GEM: variants seen among roughly 807,000 people sequenced by gnomAD.
The protein encoded by GEM is GTP binding protein overexpressed in skeletal muscle.
Under a neutral mutation model 33.0 loss-of-function variants are expected in GEM, and 31 were observed. That is an observed-to-expected ratio of 0.94 (90% CI 0.71 to 1.27). The LOEUF (loss-of-function observed/expected upper bound fraction) is 1.27. GEM is among the 50% of genes most tolerant of loss of function. The pLI is 0.00. For missense variants in GEM, 354 were observed against 390.5 expected, an observed-to-expected ratio of 0.91 and a Z score of 0.79; for synonymous variants, 141 against 143.7, an observed-to-expected ratio of 0.98 and a Z score of 0.13.
At chr8:94,251,131 C>T (rs748488264) in intron 4 of GEM, among the ~76,000 whole-genome samples, 2 of 152,160 alleles carry the variant, frequency 1.3e-5, no homozygotes, top group Non-Finnish European at 2.9e-5. Flanking sequence ...AAGAATTCTA[C>T]TGCTTAGCTT....
At position 94,252,076 on chromosome 8, in the gene GEM, T is replaced by C. The variant is rs1808785783; in HGVS notation, c.556A>G (p.Ile186Val). The change falls in exon 4 of 5, where the codon ATA (isoleucine) becomes GTA (valine). Residue 186 changes from isoleucine to valine, a missense_variant. Transcript: ENST00000297596. ...RRARQTEDIP[I>V]ILVGNKSDLV... ...TCACTTTTGTTGCCAACCAAAATTA[T>C]GGGAATGTCCTCTGTCTGCCGGGCC... The C allele has an allele frequency of 1.2e-6, 2 of 1,614,206 alleles. No homozygotes were observed. Among genetic ancestry groups the C allele is most frequent in the Non-Finnish European group, 8.5e-7 (1 of 1,180,024 alleles).
intron 2 of GEM, among the ~76,000 whole-genome samples, chr8:94,259,221 G>A (rs1201272415): frequency 6.6e-6 from 1 of 152,162 alleles, no homozygotes; most frequent in Non-Finnish European, 1.5e-5. Context: ...GATGGGCTGT[G>A]GGTAGTGAGG....
chr8:94,257,004 A>AC (rs376209546), intron 2 of GEM, among the ~76,000 whole-genome samples: 244 of 152,124 alleles, frequency 1.6e-3, no homozygotes, highest in African/African-American at 5.2e-3. Flanking sequence ...GTCTAAACCC[A>AC]TCATCAAACC....
chr8:94,256,504 C>A (rs1434630503), intron 2 of GEM, among the ~76,000 whole-genome samples: 1 of 152,194 alleles, frequency 6.6e-6, no homozygotes, highest in Non-Finnish European at 1.5e-5. Flanking sequence ...GTGAAACCCG[C>A]CCAAGTGTTC....
chr8:94,261,166 G>T (rs980323031), intron 1 of GEM, among the ~76,000 whole-genome samples: 1 of 152,028 alleles, frequency 6.6e-6, no homozygotes, highest in Non-Finnish European at 1.5e-5. Flanking sequence ...GAAATTTTCT[G>T]TTTAAAGTTT....
chr8:94,252,126 G>T lies in GEM; in HGVS notation c.506C>A (p.Ser169Tyr). Residue 169 changes from serine (S) to tyrosine (Y), a missense_variant, in exon 4 of 5, where the codon TCT (serine) becomes TAT (tyrosine). Ser to Tyr is a moderately radical substitution (Grantham distance 144). Transcript: ENST00000297596. ...CCTGCGGAGCTGGATTCGCAGCTCAGATGCCTTCTCGAAGCTCGCTCGGTC... is the reference window on the plus strand; with the variant it reads ...CCTGCGGAGCTGGATTCGCAGCTCATATGCCTTCTCGAAGCTCGCTCGGTC... ...ITDRASFEKA[S>Y]ELRIQLRRAR... 6.2e-7 allele frequency: 1 copy of T among 1,613,864 alleles called. No individual in the cohort carries two copies. The highest frequency in any genetic ancestry group is 1.3e-5 in the African/African-American group (1 of 75,046).
In GEM at chr8:94,252,217, T is replaced by G. The variant is rs763469017; in HGVS notation, c.415A>C (p.Asn139His). The change falls in exon 4 of 5, where the codon AAT (asparagine) becomes CAT (histidine). Residue 139 changes from asparagine to histidine, a missense_variant. Transcript: ENST00000297596. Reference protein sequence around the residue: ...LLDMWENKGENEWLHDHCMQV... With the variant: ...LLDMWENKGEHEWLHDHCMQV... ...ATGCAGTGGTCATGGAGCCATTCAT[T>G]TTCCCCCTAATGAAACAATAAGATC... is the stretch of plus-strand genomic sequence containing the variant. 6.2e-7 allele frequency: 1 copy of G among 1,604,760 alleles called. No homozygotes were observed. The highest frequency in any genetic ancestry group is 1.7e-5 in the Admixed American group (1 of 59,974).
chr8:94,259,178 G>A (rs1808963110), intron 2 of GEM, among the ~76,000 whole-genome samples: 1 of 152,168 alleles, frequency 6.6e-6, no homozygotes, highest in South Asian at 2.1e-4. Flanking sequence ...CCTTGACACT[G>A]AGACAATCAA....
rs1160407755 is a variant in GEM, at chr8:94,256,852, T to C, written c.331+3321A>G. 2.0e-5 allele frequency among the ~76,000 whole-genome samples: 3 copies of C among 152,246 alleles called. No individual in the cohort carries two copies. The East Asian group carries it at 5.8e-4, about 29-fold the overall frequency. On this transcript the variant is annotated intron_variant, in intron 2 of 4. Coordinates refer to ENST00000297596, the MANE Select transcript of GEM (RefSeq NM_005261.4). Reference sequence around the variant, plus strand: ...CGTACTTACTATGTGCCAGGCACCATGCTCCATGCTCAACATGTTATATCC... The same window carrying C: ...CGTACTTACTATGTGCCAGGCACCACGCTCCATGCTCAACATGTTATATCC...
Position 94,260,330 on chromosome 8 carries a change from C to T in GEM, c.174G>A (p.Trp58Ter). ...TGACTGAGTCTGTGGAGTCAGAGGA[C>T]CAGCTTCGGCGGCAGTGGTCCTCAG... ...ATPEDHCRRS[W>*]SSDSTDSVIS... is the part of the protein sequence containing the mutation. The change falls in exon 2 of 5, where the codon TGG (tryptophan) becomes TGA (stop). Residue 58 changes from tryptophan (W) to a stop codon, truncating the protein, a stop_gained. Transcript: ENST00000297596. LOFTEE classifies it high-confidence loss of function. The T allele has an allele frequency of 6.2e-7, 1 of 1,613,986 alleles. No individual in the cohort carries two copies. Among genetic ancestry groups the T allele is most frequent in the Non-Finnish European group, 8.5e-7 (1 of 1,179,786 alleles).
intron 4 of GEM, 117 bp downstream of exon 4, chr8:94,251,902 T>C: frequency 1.3e-6 from 1 of 753,680 alleles, no homozygotes; most frequent in South Asian, 1.6e-5. Flanking sequence ...AAATTTCATA[T>C]AGCATCTTAA....
At chr8:94,254,481 A>G (rs1808845283) in intron 2 of GEM, among the ~76,000 whole-genome samples, 1 of 152,068 alleles carries the variant, frequency 6.6e-6, no homozygotes, top group Non-Finnish European at 1.5e-5. Flanking sequence ...TGATAATAGT[A>G]CTCACACCTT....
At chr8:94,256,132 G>A (rs1332208982) in intron 2 of GEM, among the ~76,000 whole-genome samples, 1 of 151,852 alleles carries the variant, frequency 6.6e-6, no homozygotes, top group African/African-American at 2.4e-5. Context: ...GATAGTCTAA[G>A]TCCTTGGCCT....
At chr8:94,254,759 G>C (rs373663918) in intron 2 of GEM, among the ~76,000 whole-genome samples, 5 of 152,180 alleles carry the variant, frequency 3.3e-5, no homozygotes, top group Non-Finnish European at 7.3e-5. Flanking sequence ...CCCTTCCTTA[G>C]AGAAGGAAAA....
intron 3 of GEM, among the ~76,000 whole-genome samples, chr8:94,252,740 T>C (rs953593697): frequency 2.6e-5 from 4 of 152,370 alleles, no homozygotes; most frequent in African/African-American, 7.2e-5. Flanking sequence ...GGATGTATGT[T>C]ATTTAAAATA....
Position 94,250,413 on chromosome 8 carries a change from GGCAT to G in GEM, c.784_787del (p.Met262ProfsTer49), listed in dbSNP as rs746154399. The G allele has an allele frequency of 6.2e-7, 1 of 1,614,040 alleles. No individual in the cohort carries two copies. The highest frequency in any genetic ancestry group is 1.1e-5 in the South Asian group (1 of 91,068). On this transcript the variant is annotated frameshift_variant, in exon 5 of 5. Coordinates refer to ENST00000297596, the MANE Select transcript of GEM (RefSeq NM_005261.4). LOFTEE classifies it high-confidence loss of function. ...GCCCCAGAAGCGCCTGGCTTTCCTGGGCATGCTCTCCTTCCTTTTCTGGTAGGCC... is the reference window on the plus strand; with the variant it reads ...GCCCCAGAAGCGCCTGGCTTTCCTGGGCTCTCCTTCCTTTTCTGGTAGGCC...
chr8:94,252,969 C>A, intron 3 of GEM, 67 bp downstream of exon 3: 1 of 897,164 alleles, frequency 1.1e-6, no homozygotes, highest in Admixed American at 1.8e-5. Context: ...CAAGGTCACC[C>A]TTGCACCAAA....
chr8:94,257,386 T>C (rs1312049225), intron 2 of GEM, among the ~76,000 whole-genome samples: 1 of 152,124 alleles, frequency 6.6e-6, no homozygotes, highest in Non-Finnish European at 1.5e-5. Context: ...TTTACCATGT[T>C]GGCCAGGCTG....
At chr8:94,260,621 A>G in intron 1 of GEM, 109 bp from the exon 2 acceptor site, 1 of 652,302 alleles carries the variant, frequency 1.5e-6, no homozygotes, top group African/African-American at 1.8e-5. Context: ...ATGAGAAGCA[A>G]GTATCCCTAA....
Sources: allele counts gnomAD v4.1 joint callset (sites outside exome capture counted in the v4.1 genomes callset), GRCh38; gene constraint gnomAD v4.1.1; transcripts MANE v1.5; gene names NCBI Gene and HGNC (gene_info 2026-07-23, HGNC 2026-07-21).